The following LPIN1 variants were observed in gnomAD, a reference collection of about 807,000 sequenced individuals.
LPIN1 encodes phosphatidate phosphatase LPIN1.
Under a neutral mutation model 107.5 loss-of-function variants are expected in LPIN1, and 71 were observed. That is an observed-to-expected ratio of 0.66 (90% CI 0.55 to 0.80). The LOEUF is 0.80. Ranked by LOEUF, LPIN1 falls within the 30% of genes least tolerant of loss-of-function variation. The pLI is 0.00. For missense variants in LPIN1, 1,043 were observed against 1,160.6 expected (o/e 0.90, Z 1.47); for synonymous variants, 445 against 452.6 (o/e 0.98, Z 0.21).
chr2:11,809,345 C>T (rs1679253263), intron 17 of LPIN1, among the ~76,000 whole-genome samples: 1 of 152,146 alleles, frequency 6.6e-6, no homozygotes, highest in South Asian at 2.1e-4. Flanking sequence ...TTCGTTAGCT[C>T]CGCTGGGGTC....
chr2:11,716,283 G>A (rs569811605), intron 2 of LPIN1, among the ~76,000 whole-genome samples: 9 of 152,204 alleles, frequency 5.9e-5, no homozygotes, highest in East Asian at 5.8e-4. Context: ...GTTGTGTCCC[G>A]CTGTCCGCAG....
intron 1 of LPIN1, among the ~76,000 whole-genome samples, chr2:11,748,000 G>C (rs1667219984): frequency 6.6e-6 from 1 of 152,218 alleles, no homozygotes; most frequent in South Asian, 2.1e-4. Context: ...CACCCACCCA[G>C]GTCTCGCTTA....
chr2:11,767,641 G>A, intron 2 of LPIN1, 122 bp from the exon 3 acceptor site: 1 of 734,500 alleles, frequency 1.4e-6, no homozygotes, highest in Non-Finnish European at 2.5e-6. Flanking sequence ...GAGACTGGGA[G>A]TTGTGTGGCA....
intron 17 of LPIN1, chr2:11,805,385 G>A: frequency 1.6e-6 from 1 of 615,038 alleles, no homozygotes; most frequent in Non-Finnish European, 2.9e-6. Context: ...GAAGTATAGG[G>A]GAATTGATTA....
At chr2:11,811,450 ACT>A (rs1487693463) in intron 17 of LPIN1, among the ~76,000 whole-genome samples, 4 of 152,006 alleles carry the variant, frequency 2.6e-5, no homozygotes, top group Non-Finnish European at 5.9e-5. Flanking sequence ...CCATTAGGTC[ACT>A]CTCGAGCTGG....
chr2:11,681,165 G>T (rs951848813), intron 1 of LPIN1, among the ~76,000 whole-genome samples: 1 of 152,182 alleles, frequency 6.6e-6, no homozygotes, highest in Non-Finnish European at 1.5e-5. Context: ...TCCTGCATTT[G>T]TCTCTGTATG....
chr2:11,712,102 G>A (rs1329328991), intron 1 of LPIN1, among the ~76,000 whole-genome samples: 1 of 152,212 alleles, frequency 6.6e-6, no homozygotes, highest in Non-Finnish European at 1.5e-5. Flanking sequence ...TCGCCATGCC[G>A]GCCTCACTCA....
At chr2:11,791,879 G>C in intron 12 of LPIN1, 35 bp from the exon 13 acceptor site, 1 of 1,605,868 alleles carries the variant, frequency 6.2e-7, no homozygotes, top group Non-Finnish European at 8.5e-7. Context: ...ATCTTTTTTT[G>C]TTCCATTATT....
At chr2:11,726,562 C>T (rs1572422483) in intron 1 of LPIN1, among the ~76,000 whole-genome samples, 1 of 152,226 alleles carries the variant, frequency 6.6e-6, no homozygotes, top group East Asian at 1.9e-4. Flanking sequence ...TTAAGAGCAG[C>T]TTCAGCCTCT....
At chr2:11,795,558 G>T in intron 14 of LPIN1, 71 bp downstream of exon 14, 1 of 1,333,282 alleles carries the variant, frequency 7.5e-7, no homozygotes, top group South Asian at 1.2e-5. Flanking sequence ...GTGCTGCCTG[G>T]ATGCAGATAG....
chr2:11,750,654 T>C (rs181625897), intron 1 of LPIN1, among the ~76,000 whole-genome samples: 73 of 152,366 alleles, frequency 4.8e-4, no homozygotes, highest in Middle Eastern at 6.8e-3. Flanking sequence ...GTGGCTGTGC[T>C]GATGTCATCC....
At chr2:11,791,450 A>C (rs1572856553) in intron 12 of LPIN1, among the ~76,000 whole-genome samples, 1 of 152,310 alleles carries the variant, frequency 6.6e-6, no homozygotes, top group African/African-American at 2.4e-5. Context: ...AATGTTTAGA[A>C]ATTTACCCTT....
intron 1 of LPIN1, among the ~76,000 whole-genome samples, 173 bp downstream of exon 1, chr2:11,746,844 G>C (rs1453320033): frequency 4.6e-5 from 7 of 152,092 alleles, no homozygotes; most frequent in African/African-American, 1.7e-4. Flanking sequence ...TACGGGAAGT[G>C]GTTCGGGGGA....
intron 1 of LPIN1, among the ~76,000 whole-genome samples, chr2:11,755,738 T>C (rs80155790): frequency 5.3e-5 from 8 of 151,786 alleles, no homozygotes; most frequent in African/African-American, 1.2e-4. Context: ...TTTTTTTTTT[T>C]TGAGACAGAG....
intron 1 of LPIN1, among the ~76,000 whole-genome samples, chr2:11,751,824 C>G (rs73185117): frequency 0.039 from 6,003 of 152,276 alleles, 385 homozygotes; most frequent in African/African-American, 0.14. Flanking sequence ...TGCCCTCCAG[C>G]CTGAGTAACA....
intron 17 of LPIN1, among the ~76,000 whole-genome samples, chr2:11,814,512 ATGTGTGTGTGTGTG>A (rs71394769): frequency 3.6e-5 from 5 of 138,436 alleles, no homozygotes; most frequent in Admixed American, 7.1e-5. Context: ...GTGTGTGTGC[ATGTGTGTGTGTGTG>A]TGTGTGTGTG....
chr2:11,792,925 TCAC>T (rs1676034545), intron 13 of LPIN1, among the ~76,000 whole-genome samples: 1 of 152,190 alleles, frequency 6.6e-6, no homozygotes, highest in Non-Finnish European at 1.5e-5. Context: ...TCTGGCTTAG[TCAC>T]CTCTAGGAGG....
At chr2:11,734,155 G>C (rs1665551364) in intron 1 of LPIN1, among the ~76,000 whole-genome samples, 1 of 152,194 alleles carries the variant, frequency 6.6e-6, no homozygotes, top group Non-Finnish European at 1.5e-5. Context: ...GTGACATTTT[G>C]AAGCTACTGT....
rs1667585455 is a variant in LPIN1 at position 11,750,211 on chromosome 2, C to G, written c.-10+3540C>G. Among the ~76,000 whole-genome samples, 6 of 152,164 alleles carry G rather than the reference C, an allele frequency of 3.9e-5. No homozygotes were observed. In the South Asian group the frequency reaches 1.2e-3, roughly 31 times the overall value. On this transcript the variant is annotated intron_variant, in intron 1 of 20. Coordinates refer to ENST00000674199, the MANE Select transcript of LPIN1 (RefSeq NM_001349206.2). Reference sequence around the variant, plus strand: ...TCATGGATCTCACTAGGCTGTAGGTCTTCAGTTTACAAGACAGGAGACAAG... The same window carrying G: ...TCATGGATCTCACTAGGCTGTAGGTGTTCAGTTTACAAGACAGGAGACAAG...
Sources: allele counts gnomAD v4.1 joint callset (sites outside exome capture counted in the v4.1 genomes callset), GRCh38; gene constraint gnomAD v4.1.1; transcripts MANE v1.5; gene names NCBI Gene and HGNC (gene_info 2026-07-23, HGNC 2026-07-21).